The following DIAPH1 variants were observed in gnomAD, a reference collection of about 807,000 sequenced individuals.
The protein encoded by DIAPH1 is diaphanous related formin 1, also known as protein diaphanous homolog 1.
DIAPH1 carries 46 observed loss-of-function variants against 140.7 expected under a neutral mutation model. That is an observed-to-expected ratio of 0.33 (90% CI 0.26 to 0.42). The LOEUF (loss-of-function observed/expected upper bound fraction) is 0.42, where lower values mean the gene tolerates loss of function less well. DIAPH1 is among the 10% of genes least tolerant of loss of function. DIAPH1 has a pLI of 1.00. For synonymous variants in DIAPH1, 565 were observed against 551.6 expected (o/e 1.02, Z -0.34); for missense variants, 1,310 against 1,558.7 (o/e 0.84, Z 2.69).
chr5:141,534,272 G>A (rs576664888), intron 19 of DIAPH1, 63 bp downstream of exon 19: 1 of 1,301,408 alleles, frequency 7.7e-7, no homozygotes, highest in South Asian at 1.2e-5. Context: ...AGATTCAAGA[G>A]AATTAAAAAT....
At chr5:141,523,499 C>A (rs2099886858) in intron 27 of DIAPH1, among the ~76,000 whole-genome samples, 1 of 152,266 alleles carries the variant, frequency 6.6e-6, no homozygotes, top group African/African-American at 2.4e-5. Context: ...TTTAGAATCT[C>A]TAGCTCAATG....
chr5:141,518,822 A>C, intron 27 of DIAPH1: 1 of 972,444 alleles, frequency 1.0e-6, no homozygotes, highest in Non-Finnish European at 1.6e-6. Flanking sequence ...ACAGCCTGCC[A>C]AAGCCCAAGT....
Position 141,516,630 on chromosome 5 carries a change from A to G in DIAPH1, c.*221T>C. On this transcript the variant is annotated 3_prime_UTR_variant, in exon 28 of 28. Coordinates refer to ENST00000389054, the MANE Select transcript of DIAPH1 (RefSeq NM_005219.5). ...GTAATACAACAGCCAGGGCTGGCTA[A>G]GTCGGGCTCAGGCCTCCCCTGCACT... 2 of 597,810 alleles carry G rather than the reference A, an allele frequency of 3.3e-6. No homozygotes were observed. Among genetic ancestry groups the G allele is most frequent in the South Asian group, 3.9e-5 (2 of 51,888 alleles). The allele number at this position is 597,810 out of a possible 1,614,324, so 37.0% of individuals were successfully genotyped here.
rs1486271676 is a variant in DIAPH1 at position 141,528,477 on chromosome 5, C to A, written c.3124G>T (p.Ala1042Ser). 6.2e-7 allele frequency: 1 copy of A among 1,614,122 alleles called. No homozygotes were observed. The highest frequency in any genetic ancestry group is 1.7e-5 in the Admixed American group (1 of 60,004). Residue 1042 changes from alanine to serine, a missense_variant, in exon 23 of 28, where the codon GCC becomes TCC. Ala to Ser is a moderately conservative substitution (Grantham distance 99, BLOSUM62 1). Transcript: ENST00000389054. ...CCTCGGCTGGCTTTCTCCACATGGG[C>A]AAGCTCGTCTGGAAACTTGAGGACA... is the stretch of plus-strand genomic sequence containing the variant. ...PDVLKFPDEL[A>S]HVEKASRVSA...
At chr5:141,578,137 T>G (rs2099896230) in intron 11 of DIAPH1, 88 bp downstream of exon 11, 5 of 982,730 alleles carry the variant, frequency 5.1e-6, no homozygotes, top group African/African-American at 1.6e-5. Context: ...TTCTGAGTCA[T>G]CATCTCCCAA....
At chr5:141,580,666 A>G (rs2099896618) in intron 8 of DIAPH1, 78 bp downstream of exon 8, 10 of 1,493,038 alleles carry the variant, frequency 6.7e-6, no homozygotes, top group Non-Finnish European at 9.3e-6. Flanking sequence ...AGGACACCCA[A>G]CCAACTCAAT....
Position 141,541,350 on chromosome 5 carries a change from G to A in DIAPH1, c.2483-6917C>T, listed in dbSNP as rs2099889933. On this transcript the variant is annotated intron_variant, in intron 18 of 27. Transcript: ENST00000389054. ...TGAGACTCTAGAAACCAGGAACAAG[G>A]TAAAGATGTTTGCTCTCACTACTCT... Among the ~76,000 whole-genome samples the A allele has an allele frequency of 1.3e-5, 2 of 152,092 alleles. 1 individual carries two copies. Among genetic ancestry groups the A allele is most frequent in the African/African-American group, 4.8e-5 (2 of 41,418 alleles).
At chr5:141,556,707 T>A (rs866193325) in intron 18 of DIAPH1, among the ~76,000 whole-genome samples, 3 of 151,262 alleles carry the variant, frequency 2.0e-5, no homozygotes, top group East Asian at 3.8e-4. Flanking sequence ...TTATTTATTT[T>A]TTGAAATGGA....
intron 18 of DIAPH1, chr5:141,560,635 T>C (rs2099893384): frequency 5.6e-6 from 1 of 179,358 alleles, no homozygotes; most frequent in Admixed American, 5.8e-5. Context: ...CTTCATCTTT[T>C]TTTTAGGTGC....
intron 27 of DIAPH1, 145 bp downstream of exon 27, chr5:141,523,995 GGAA>G: frequency 1.3e-6 from 1 of 758,418 alleles, no homozygotes; most frequent in Non-Finnish European, 2.4e-6. Context: ...CTGTAACATG[GGAA>G]GAAGAGGACT....
intron 18 of DIAPH1, among the ~76,000 whole-genome samples, chr5:141,553,917 A>G (rs1357040356): frequency 3.9e-5 from 6 of 152,188 alleles, no homozygotes; most frequent in Admixed American, 2.6e-4. Context: ...GAAATCAGGC[A>G]TAAGTAACTA....
At chr5:141,591,262 T>C (rs2099898353) in intron 1 of DIAPH1, among the ~76,000 whole-genome samples, 1 of 152,084 alleles carries the variant, frequency 6.6e-6, no homozygotes, top group African/African-American at 2.4e-5. Flanking sequence ...TATGTACCTT[T>C]CCTTGTGTTT....
rs191561343 is a variant in DIAPH1 at position 141,576,966 on chromosome 5, G to C, written c.1281-95C>G. 8.0e-5 allele frequency: 64 copies of C among 797,158 alleles called. 1 individual carries two copies. The Admixed American group carries it at 1.0e-3, about 13-fold the overall frequency. The allele number at this position is 797,158 out of a possible 1,614,324, so 49.4% of individuals were successfully genotyped here. A position where few individuals can be genotyped will look rare whatever the true frequency, so the allele number is the denominator to read the frequency against. On this transcript the variant is annotated intron_variant, in intron 12 of 27. Transcript: ENST00000389054. ...AGAAAACGTAATTGCTCTGACAACT[G>C]AGAGACCTGGAAAAACTTTTGTAAA...
intron 18 of DIAPH1, among the ~76,000 whole-genome samples, chr5:141,566,895 A>AAAAACAAAACAAAACAAAAC (rs10646063): frequency 1.9e-4 from 29 of 149,976 alleles, no homozygotes; most frequent in African/African-American, 4.4e-4. Flanking sequence ...ACTCCATCTC[A>AAAAACAAAACAAAACAAAAC]AAAACAAAAC....
chr5:141,579,307 G>A (rs1216091579), intron 8 of DIAPH1, 111 bp from the exon 9 acceptor site: 3 of 851,228 alleles, frequency 3.5e-6, no homozygotes, highest in Non-Finnish European at 6.2e-6. Context: ...GACATTATCA[G>A]TGTTCCGGAT....
chr5:141,587,769 A>G (rs1261051948), intron 2 of DIAPH1, among the ~76,000 whole-genome samples: 1 of 152,220 alleles, frequency 6.6e-6, no homozygotes, highest in Non-Finnish European at 1.5e-5. Context: ...TCCCCTTTGC[A>G]TGACATCTCG....
intron 10 of DIAPH1, 30 bp downstream of exon 10, chr5:141,578,485 T>C: frequency 6.3e-7 from 1 of 1,581,012 alleles, no homozygotes; most frequent in Non-Finnish European, 8.7e-7. Flanking sequence ...GGAACCAGTC[T>C]AGCCTTTCTA....
At chr5:141,585,912 G>A (rs72792314) in intron 3 of DIAPH1, among the ~76,000 whole-genome samples, 3,462 of 152,288 alleles carry the variant, frequency 0.023, 54 homozygotes, top group East Asian at 0.046. Flanking sequence ...TTCAAATAGT[G>A]ACTAGGATAT....
intron 18 of DIAPH1, among the ~76,000 whole-genome samples, chr5:141,554,577 T>C (rs2099892267): frequency 6.6e-6 from 1 of 152,130 alleles, no homozygotes; most frequent in Non-Finnish European, 1.5e-5. Context: ...CTAGCATAAC[T>C]TCACTATCAA....
Sources: allele counts gnomAD v4.1 joint callset (sites outside exome capture counted in the v4.1 genomes callset), GRCh38; gene constraint gnomAD v4.1.1; transcripts MANE v1.5; gene names NCBI Gene and HGNC (gene_info 2026-07-23, HGNC 2026-07-21).